COL5A2: variants seen among roughly 807,000 people sequenced by gnomAD.
The protein encoded by COL5A2 is collagen type V alpha 2 chain.
Under a neutral mutation model 208.2 loss-of-function variants are expected in COL5A2, and 23 were observed. The observed-to-expected ratio is 0.11, with a 90% confidence interval of 0.08 to 0.16. COL5A2 has a LOEUF of 0.16. Among genes scored for constraint, COL5A2 ranks in the 10% least tolerant of loss-of-function variants. The probability of loss-of-function intolerance (pLI) is 1.00; values close to 1 mark genes in which losing one functional copy is unlikely to be tolerated. For missense variants in COL5A2, 1,590 were observed against 1,956.4 expected, an observed-to-expected ratio of 0.81 and a Z score of 3.53; for synonymous variants, 625 against 628.5, an observed-to-expected ratio of 0.99 and a Z score of 0.08.
At chr2:189,400,887 A>T in the COL5A2 span, among the ~76,000 whole-genome samples, 1 of 152,336 alleles carries the variant, frequency 6.6e-6, no homozygotes, top group East Asian at 1.9e-4. Context: ...TTTCTTAAAA[A>T]TCGTATCCTT....
chr2:189,392,307 A>G, the COL5A2 span, among the ~76,000 whole-genome samples: 1 of 152,168 alleles, frequency 6.6e-6, no homozygotes, highest in African/African-American at 2.4e-5. Flanking sequence ...GGAAATATCT[A>G]CAACACTCAG....
intron 30 of COL5A2, 66 bp downstream of exon 30, chr2:189,061,493 CTTT>C: frequency 1.9e-5 from 21 of 1,134,394 alleles, no homozygotes; most frequent in Non-Finnish European, 2.4e-5. Flanking sequence ...CTGACCATAT[CTTT>C]TTTTTTAAAA....
intron 1 of COL5A2, among the ~76,000 whole-genome samples, chr2:189,145,718 A>T (rs1688026088): frequency 6.6e-6 from 1 of 152,148 alleles, no homozygotes; most frequent in South Asian, 2.1e-4. Flanking sequence ...TAAGCTACTT[A>T]GAGTATAGGG....
rs1187663834 is a variant in COL5A2 at position 189,068,890 on chromosome 2, A to C, written c.1159-6T>G. The C allele has an allele frequency of 1.3e-6, 2 of 1,571,902 alleles. No individual in the cohort carries two copies. Among genetic ancestry groups the C allele is most frequent in the African/African-American group, 2.7e-5 (2 of 74,062 alleles). ...CCTGTAGGACCTGCTTCTCCCTAAA[A>C]GGGTGCAAAGGGAAATGTTAATTTA... On this transcript the variant is annotated splice_polypyrimidine_tract_variant and splice_region_variant and intron_variant, in intron 18 of 53. Transcript: ENST00000374866.
chr2:189,053,811 G>T, intron 37 of COL5A2, 84 bp downstream of exon 37: 1 of 1,215,394 alleles, frequency 8.2e-7, no homozygotes, highest in Non-Finnish European at 1.2e-6. Flanking sequence ...AATAAGCATT[G>T]TTTTATATAA....
intron 1 of COL5A2, among the ~76,000 whole-genome samples, chr2:189,203,401 G>A (rs1355681488): frequency 6.6e-6 from 1 of 152,182 alleles, no homozygotes; most frequent in Admixed American, 6.5e-5. Flanking sequence ...TGTGGAGTCT[G>A]TGCAAATAGG....
the COL5A2 span, among the ~76,000 whole-genome samples, chr2:189,395,220 T>G: frequency 6.6e-6 from 1 of 152,218 alleles, no homozygotes; most frequent in Non-Finnish European, 1.5e-5. Flanking sequence ...TTAACATTGT[T>G]TAAAGATTTC....
the COL5A2 span, among the ~76,000 whole-genome samples, chr2:189,385,547 C>T: frequency 1.3e-5 from 2 of 151,942 alleles, no homozygotes; most frequent in African/African-American, 4.8e-5. Context: ...TGCCATACTC[C>T]ACAAAGCAAT....
chr2:189,352,754 T>C, the COL5A2 span, among the ~76,000 whole-genome samples: 1 of 152,204 alleles, frequency 6.6e-6, no homozygotes, highest in African/African-American at 2.4e-5. Flanking sequence ...TTCACTCTGA[T>C]GATAGTTTCT....
chr2:189,314,855 C>T, the COL5A2 span, among the ~76,000 whole-genome samples: 1 of 152,130 alleles, frequency 6.6e-6, no homozygotes, highest in Non-Finnish European at 1.5e-5. Flanking sequence ...TTTCTGGACA[C>T]ATACACCCTC....
intron 1 of COL5A2, 63 bp from the exon 2 acceptor site, chr2:189,110,512 G>A (rs1687239964): frequency 6.7e-7 from 1 of 1,496,654 alleles, no homozygotes; most frequent in Non-Finnish European, 9.2e-7. Flanking sequence ...AAAATAAAAG[G>A]TGAGCCATCT....
intron 16 of COL5A2, among the ~76,000 whole-genome samples, chr2:189,077,237 C>A (rs1045338277): frequency 6.6e-6 from 1 of 152,098 alleles, no homozygotes; most frequent in Admixed American, 6.6e-5. Context: ...GGACACCACA[C>A]CAATAACTAA....
At chr2:189,197,912 C>T (rs868364619) in intron 1 of COL5A2, among the ~76,000 whole-genome samples, 1 of 151,142 alleles carries the variant, frequency 6.6e-6, no homozygotes, top group Admixed American at 6.6e-5. Flanking sequence ...TGCAGCGGCA[C>T]GATCTAGGCT....
At chr2:189,321,595 C>A in the COL5A2 span, among the ~76,000 whole-genome samples, 2 of 152,018 alleles carry the variant, frequency 1.3e-5, no homozygotes. Flanking sequence ...GTAAAGGGAT[C>A]AATTCAACAA....
chr2:189,347,185 T>C, the COL5A2 span, among the ~76,000 whole-genome samples: 1 of 152,162 alleles, frequency 6.6e-6, no homozygotes, highest in African/African-American at 2.4e-5. Flanking sequence ...AGCAGGCAAA[T>C]TACTTGCACA....
intron 1 of COL5A2, among the ~76,000 whole-genome samples, chr2:189,146,086 C>T (rs879536314): frequency 1.6e-4 from 24 of 151,984 alleles, no homozygotes; most frequent in Admixed American, 5.2e-4. Context: ...ATACATTGAT[C>T]GGATGAACAA....
the COL5A2 span, among the ~76,000 whole-genome samples, chr2:189,425,684 G>C: frequency 6.6e-6 from 1 of 152,078 alleles, no homozygotes; most frequent in Admixed American, 6.6e-5. Flanking sequence ...CTGATTGTGG[G>C]GCCTTGTGGA....
At chr2:189,069,018 C>T (rs535702521) in intron 18 of COL5A2, 134 bp from the exon 19 acceptor site, 4 of 708,706 alleles carry the variant, frequency 5.6e-6, no homozygotes, top group African/African-American at 3.5e-5. Flanking sequence ...ACAAGAGATG[C>T]GTGCCCAACC....
the COL5A2 span, among the ~76,000 whole-genome samples, chr2:189,329,484 C>CA: frequency 6.6e-6 from 1 of 151,610 alleles, no homozygotes; most frequent in East Asian, 1.9e-4. Context: ...ATTTCCTCAC[C>CA]AAAAAAAGAC....
Sources: gnomAD v4.1 joint callset for allele counts (sites outside exome capture counted in the v4.1 genomes callset) on GRCh38, gnomAD v4.1.1 for gene constraint, MANE v1.5 for transcripts, NCBI Gene and HGNC (gene_info 2026-07-23, HGNC 2026-07-21) for gene names.